PRKDC: variants seen among roughly 807,000 people sequenced by gnomAD.
PRKDC encodes the protein DNA-dependent protein kinase catalytic subunit.
Under a neutral mutation model 486.9 loss-of-function variants are expected in PRKDC, and 82 were observed. The observed-to-expected ratio is 0.17, with a 90% CI of 0.14 to 0.20. The LOEUF (loss-of-function observed/expected upper bound fraction) is 0.20. PRKDC is among the 10% of genes least tolerant of loss of function. PRKDC has a pLI of 1.00. For synonymous variants in PRKDC, 1,895 were observed against 1,837.0 expected, an observed-to-expected ratio of 1.03 and a Z score of -0.81; for missense variants, 4,504 against 5,038.2, an observed-to-expected ratio of 0.89 and a Z score of 3.21.
Position 47,840,934 on chromosome 8 carries a change from T to C in PRKDC, c.7281-745A>G, listed in dbSNP as rs145426916. 5.9e-5 allele frequency among the ~76,000 whole-genome samples: 9 copies of C among 151,512 alleles called. No individual in the cohort carries two copies. In the East Asian group the frequency reaches 1.7e-3, roughly 29 times the overall value. On this transcript the variant is annotated intron_variant, in intron 54 of 85. Coordinates refer to ENST00000314191, the MANE Select transcript of PRKDC (RefSeq NM_006904.7). Reference sequence around the variant, plus strand: ...TCCCACCAAAACAGAGCAAAATGAGTAAACCAACATGCTTCGAAGACATCT... The same window carrying C: ...TCCCACCAAAACAGAGCAAAATGAGCAAACCAACATGCTTCGAAGACATCT...
chr8:47,891,234 ATACTTG>A (rs2089448930), intron 31 of PRKDC, among the ~76,000 whole-genome samples: 1 of 152,220 alleles, frequency 6.6e-6, no homozygotes, highest in Non-Finnish European at 1.5e-5. Flanking sequence ...ACAATTTAAA[ATACTTG>A]TACACTGTTG....
chr8:47,957,080 T>C (rs1039729950), intron 3 of PRKDC, 91 bp downstream of exon 3: 8 of 871,314 alleles, frequency 9.2e-6, no homozygotes, highest in Non-Finnish European at 1.4e-5. Context: ...GAAAATGTTT[T>C]ATCTTTAAAA....
Position 47,791,502 on chromosome 8 carries a change from A to C in PRKDC, c.10671-2264T>G, listed in dbSNP as rs375961687. ...AAACAAACAAACAAAAAACAACCAA[A>C]ATACATAACAAGCTCAAACAACTCA... On this transcript the variant is annotated intron_variant, in intron 74 of 85. Coordinates refer to ENST00000314191, the MANE Select transcript of PRKDC (RefSeq NM_006904.7). Among the ~76,000 whole-genome samples the C allele has an allele frequency of 3.8e-3, 585 of 152,144 alleles. 4 individuals carry two copies. Among genetic ancestry groups the C allele is most frequent in the South Asian group, 0.025 (120 of 4,816 alleles).
intron 7 of PRKDC, among the ~76,000 whole-genome samples, chr8:47,946,667 C>G (rs2090536910): frequency 6.6e-6 from 1 of 152,172 alleles, no homozygotes; most frequent in South Asian, 2.1e-4. Context: ...GTGATGAAGA[C>G]CTCCAAATGT....
chr8:47,807,263 A>T lies in PRKDC; in HGVS notation c.9621T>A (p.Asn3207Lys). The T allele has an allele frequency of 6.2e-7, 1 of 1,613,016 alleles. No homozygotes were observed. The highest frequency in any genetic ancestry group is 1.7e-4 in the Middle Eastern group (1 of 6,058). ...LTPLPEDNSM[N>K]VDQDGDPSDR... ...CACTGGGGTCTCCATCTTGATCCAC[A>T]TTCATACTATTATCTTCTGGAAGAG... The change falls in exon 69 of 86, where the codon AAT becomes AAA. Residue 3207 changes from asparagine (N) to lysine (K), a missense_variant. Physicochemically the swap from Asn to Lys is moderately conservative, Grantham distance 94. Coordinates refer to ENST00000314191, the MANE Select transcript of PRKDC (RefSeq NM_006904.7).
rs11311765 is a variant in PRKDC, at chr8:47,819,513, TAAAA to T, written c.9337-7_9337-4del. 91 of 551,568 alleles carry T rather than the reference TAAAA, an allele frequency of 1.6e-4. No individual in the cohort carries two copies. The highest frequency in any genetic ancestry group is 5.1e-4 in the South Asian group (10 of 19,480). The allele number at this position is 551,568 out of a possible 1,614,324, so 34.2% of individuals were successfully genotyped here. On this transcript the variant is annotated splice_region_variant and splice_polypyrimidine_tract_variant and intron_variant, in intron 66 of 85. Coordinates refer to ENST00000314191, the MANE Select transcript of PRKDC (RefSeq NM_006904.7). ...AGGACATCAATACTAGAATAATTCT[TAAAA>T]AAAAAAAAAAAAAAAAAGGGCATTT...
chr8:47,882,749 A>T (rs990449372), intron 36 of PRKDC, among the ~76,000 whole-genome samples: 2 of 152,264 alleles, frequency 1.3e-5, no homozygotes, highest in Non-Finnish European at 2.9e-5. Context: ...TATTCCTGTC[A>T]TTCTGACTAT....
intron 76 of PRKDC, 46 bp from the exon 77 acceptor site, chr8:47,785,363 A>C: frequency 1.4e-6 from 2 of 1,431,048 alleles, no homozygotes; most frequent in Non-Finnish European, 1.9e-6. Context: ...TTTAGTTTGG[A>C]CTTTGGAAAA....
intron 69 of PRKDC, 120 bp downstream of exon 69, chr8:47,807,017 A>G (rs1462096937): frequency 6.5e-6 from 7 of 1,072,698 alleles, no homozygotes; most frequent in Non-Finnish European, 7.7e-6. Context: ...TAAAGAGAGA[A>G]AAAAAATAAC....
At chr8:47,939,811 G>T in intron 10 of PRKDC, 114 bp from the exon 11 acceptor site, 1 of 930,748 alleles carries the variant, frequency 1.1e-6, no homozygotes, top group Non-Finnish European at 1.5e-6. Context: ...ATAGTTACAC[G>T]CAATTGCTTT....
chr8:47,932,367 G>T (rs572522920), intron 16 of PRKDC, among the ~76,000 whole-genome samples: 3 of 152,194 alleles, frequency 2.0e-5, no homozygotes, highest in Admixed American at 1.3e-4. Context: ...ACAGGCATGA[G>T]CCACCGCGCC....
chr8:47,775,361 A>T, intron 85 of PRKDC, among the ~76,000 whole-genome samples: 1 of 137,282 alleles, frequency 7.3e-6, no homozygotes, highest in Non-Finnish European at 1.5e-5. Flanking sequence ...AAGTCTTTTG[A>T]CCATTTTTTT....
At chr8:47,817,870 A>G (rs1268081583) in intron 67 of PRKDC, among the ~76,000 whole-genome samples, 1 of 152,224 alleles carries the variant, frequency 6.6e-6, no homozygotes. Context: ...AAAGATTTTC[A>G]TGGGGTTGAA....
intron 63 of PRKDC, 84 bp downstream of exon 63, chr8:47,826,572 T>C: frequency 7.4e-7 from 1 of 1,354,572 alleles, no homozygotes; most frequent in Non-Finnish European, 1.0e-6. Context: ...ATTAGCTCAT[T>C]TTCTGCCAAA....
At chr8:47,878,768 C>A (rs2089142957) in intron 39 of PRKDC, among the ~76,000 whole-genome samples, 1 of 152,200 alleles carries the variant, frequency 6.6e-6, no homozygotes, top group South Asian at 2.1e-4. Flanking sequence ...TACCTTCTTT[C>A]ATCTCTGAAA....
chr8:47,955,165 G>C (rs1390899761), intron 4 of PRKDC, among the ~76,000 whole-genome samples: 1 of 142,820 alleles, frequency 7.0e-6, no homozygotes, highest in African/African-American at 2.6e-5. Context: ...AAAAAAGAAA[G>C]AAAAGAAAAC....
At chr8:47,928,570 T>G (rs1017107064) in intron 19 of PRKDC, among the ~76,000 whole-genome samples, 1 of 151,726 alleles carries the variant, frequency 6.6e-6, no homozygotes, top group African/African-American at 2.4e-5. Flanking sequence ...TTTTTTTTTT[T>G]GAGACACAGT....
chr8:47,810,892 C>G (rs2087311313), intron 68 of PRKDC, among the ~76,000 whole-genome samples: 1 of 151,782 alleles, frequency 6.6e-6, no homozygotes, highest in South Asian at 2.1e-4. Context: ...GATGAATAAA[C>G]AACAAAAAAA....
chr8:47,943,778 G>A, intron 9 of PRKDC, 75 bp downstream of exon 9: 2 of 1,292,708 alleles, frequency 1.5e-6, no homozygotes, highest in African/African-American at 1.5e-5. Context: ...TTCATTCAAA[G>A]TTTAAGCAAA....
Sources: gnomAD v4.1 joint callset for allele counts (sites outside exome capture counted in the v4.1 genomes callset) on GRCh38, gnomAD v4.1.1 for gene constraint, MANE v1.5 for transcripts, NCBI Gene and HGNC (gene_info 2026-07-23, HGNC 2026-07-21) for gene names.